The following STAU2 variants were observed in gnomAD, a reference collection of about 807,000 sequenced individuals.
STAU2 encodes the protein double-stranded RNA-binding protein Staufen homolog 2.
Under a neutral mutation model 65.9 loss-of-function variants are expected in STAU2, and 20 were observed. The observed-to-expected ratio is 0.30, with a 90% CI of 0.21 to 0.44. STAU2 has a LOEUF of 0.44. Among genes scored for constraint, STAU2 ranks in the 20% least tolerant of loss-of-function variants. STAU2 has a pLI of 1.00. For synonymous variants in STAU2, 232 were observed against 233.9 expected, an observed-to-expected ratio of 0.99 and a Z score of 0.07; for missense variants, 558 against 683.9, an observed-to-expected ratio of 0.82 and a Z score of 2.05.
intron 6 of STAU2, among the ~76,000 whole-genome samples, chr8:73,625,953 T>G (rs1469624933): frequency 6.6e-6 from 1 of 152,134 alleles, no homozygotes; most frequent in Non-Finnish European, 1.5e-5. Context: ...TAGGGGGGTA[T>G]GTGAATTACA....
intron 13 of STAU2, among the ~76,000 whole-genome samples, chr8:73,539,714 G>A (rs939435322): frequency 8.6e-5 from 13 of 151,944 alleles, no homozygotes; most frequent in Non-Finnish European, 1.8e-4. Context: ...GTTATGGTGG[G>A]TGCCTGTAGT....
In STAU2 at chr8:73,603,849, A is replaced by G. The variant is rs781216509; in HGVS notation, c.906T>C (p.Tyr302=). 1.0e-5 allele frequency: 16 copies of G among 1,603,374 alleles called. No homozygotes were observed. In the African/African-American group the frequency reaches 2.2e-4, roughly 22 times the overall value. ...PKTIVKAGPE[Y]GQGMNPISRL... ...GGCTAATAGGGTTCATCCCTTGGCC[A>G]TATTCTGGTCCGGCCTAAAAATTAA... The change falls in exon 10 of 15, where the codon TAT becomes TAC. Residue 302 remains tyrosine (Y), a synonymous_variant. Coordinates refer to ENST00000524300, the MANE Select transcript of STAU2 (RefSeq NM_001164380.2).
chr8:73,460,512 C>A (rs1819300350), intron 13 of STAU2, among the ~76,000 whole-genome samples: 1 of 152,176 alleles, frequency 6.6e-6, no homozygotes, highest in African/African-American at 2.4e-5. Flanking sequence ...ATGTGAGTAC[C>A]CAACAGAGGT....
chr8:73,709,282 T>A, intron 3 of STAU2, 120 bp from the exon 4 acceptor site: 1 of 934,660 alleles, frequency 1.1e-6, no homozygotes, highest in Non-Finnish European at 1.5e-6. Flanking sequence ...TTTTGTATTT[T>A]AAAAATTCAA....
intron 3 of STAU2, among the ~76,000 whole-genome samples, chr8:73,730,289 A>G (rs1350222148): frequency 6.6e-6 from 1 of 152,196 alleles, no homozygotes; most frequent in African/African-American, 2.4e-5. Flanking sequence ...TAAATTTTCC[A>G]GTATTCCTTC....
In STAU2 at chr8:73,550,272, G is replaced by A; in HGVS notation, c.1530+1740C>T. ...ATGTAAGCATAAGCTTTTTAAAAAG[G>A]CCTTAGCAATGCAATAATGAGGGAA... On this transcript the variant is annotated intron_variant, in intron 13 of 14. Coordinates refer to ENST00000524300, the MANE Select transcript of STAU2 (RefSeq NM_001164380.2). The A allele has an allele frequency of 4.1e-6, 4 of 985,042 alleles. No individual in the cohort carries two copies. In the South Asian group the frequency reaches 1.9e-4, roughly 46 times the overall value. 61.0% of individuals were successfully genotyped at this position (985,042 alleles called of 1,614,324 possible).
At chr8:73,457,276 A>G (rs1819120941) in intron 13 of STAU2, among the ~76,000 whole-genome samples, 2 of 152,208 alleles carry the variant, frequency 1.3e-5, no homozygotes, top group Admixed American at 1.3e-4. Context: ...TACTATCTAC[A>G]TGACAATCAA....
intron 10 of STAU2, among the ~76,000 whole-genome samples, chr8:73,598,676 T>C (rs1811396257): frequency 6.6e-6 from 1 of 151,732 alleles, no homozygotes; most frequent in African/African-American, 2.4e-5. Flanking sequence ...TTTACACAAA[T>C]CCTAGACAGA....
intron 12 of STAU2, among the ~76,000 whole-genome samples, chr8:73,565,353 A>G (rs1025422241): frequency 1.3e-5 from 2 of 152,100 alleles, no homozygotes; most frequent in African/African-American, 4.8e-5. Context: ...CCCCTTTGCC[A>G]TCTGCCATGA....
intron 5 of STAU2, among the ~76,000 whole-genome samples, chr8:73,682,584 C>A (rs1391197908): frequency 6.6e-6 from 1 of 151,798 alleles, no homozygotes; most frequent in Non-Finnish European, 1.5e-5. Flanking sequence ...CAAGAACAAA[C>A]CAAACCCAGC....
Position 73,617,291 on chromosome 8 carries a change from C to G in STAU2, c.570+1G>C. The G allele has an allele frequency of 1.9e-6, 3 of 1,613,884 alleles. No individual in the cohort carries two copies. Among genetic ancestry groups the G allele is most frequent in the Non-Finnish European group, 2.5e-6 (3 of 1,179,902 alleles). On this transcript the variant is annotated splice_donor_variant, in intron 7 of 14. Transcript: ENST00000524300. LOFTEE classifies it high-confidence loss of function. ...GACTGTCACATGCAGCAGCACCACA[C>G]CTGAGGAGATCTTTCTGGAATAGGT... is the stretch of plus-strand genomic sequence containing the variant.
At chr8:73,577,305 A>G (rs759232466) in intron 12 of STAU2, among the ~76,000 whole-genome samples, 45 of 151,922 alleles carry the variant, frequency 3.0e-4, no homozygotes, top group South Asian at 6.2e-4. Context: ...GCAGGCGCCT[A>G]TAGTCCCAGC....
chr8:73,510,033 T>C (rs769788543), intron 13 of STAU2, among the ~76,000 whole-genome samples: 22 of 152,168 alleles, frequency 1.4e-4, no homozygotes, highest in Admixed American at 2.6e-4. Context: ...TGTAAAAATA[T>C]GCATAAATCT....
chr8:73,513,630 G>A (rs1006954591), intron 13 of STAU2, among the ~76,000 whole-genome samples: 1 of 152,090 alleles, frequency 6.6e-6, no homozygotes. Context: ...CCCTATCACT[G>A]TGCCATTTTC....
chr8:73,716,574 GTCT>G (rs1441456433), intron 3 of STAU2, among the ~76,000 whole-genome samples: 1 of 152,214 alleles, frequency 6.6e-6, no homozygotes, highest in Non-Finnish European at 1.5e-5. Flanking sequence ...AGTTTGGTCA[GTCT>G]TCTTAACTTC....
intron 3 of STAU2, among the ~76,000 whole-genome samples, chr8:73,725,811 T>C (rs1380950179): frequency 6.6e-6 from 1 of 152,114 alleles, no homozygotes; most frequent in East Asian, 1.9e-4. Context: ...TGCATGCCTG[T>C]AATCCCAGCT....
chr8:73,547,240 C>T (rs555701984), intron 13 of STAU2, among the ~76,000 whole-genome samples: 18 of 152,264 alleles, frequency 1.2e-4, no homozygotes, highest in Non-Finnish European at 2.4e-4. Flanking sequence ...ACATAGTTTA[C>T]GCAGTAATAA....
rs139615473 is a variant in STAU2 at position 73,704,644 on chromosome 8, A to T, written c.114+4388T>A. Among the ~76,000 whole-genome samples the T allele has an allele frequency of 1.5e-3, 221 of 152,286 alleles. 1 individual carries two copies. The highest frequency in any genetic ancestry group is 5.1e-3 in the African/African-American group (210 of 41,556). On this transcript the variant is annotated intron_variant, in intron 4 of 14. Coordinates refer to ENST00000524300, the MANE Select transcript of STAU2 (RefSeq NM_001164380.2). Reference sequence around the variant, plus strand: ...ATATTCAACGTTGGTATCTATTTCAAATTTTTCATAATAAATTAAAAGTAA... The same window carrying T: ...ATATTCAACGTTGGTATCTATTTCATATTTTTCATAATAAATTAAAAGTAA...
At chr8:73,586,742 G>A (rs901799354) in intron 11 of STAU2, among the ~76,000 whole-genome samples, 2 of 149,694 alleles carry the variant, frequency 1.3e-5, no homozygotes, top group African/African-American at 4.9e-5. Context: ...TTCTGAGAAT[G>A]AGGAAGAACT....
Sources: allele counts gnomAD v4.1 joint callset (sites outside exome capture counted in the v4.1 genomes callset), GRCh38; gene constraint gnomAD v4.1.1; transcripts MANE v1.5; gene names NCBI Gene and HGNC (gene_info 2026-07-23, HGNC 2026-07-21).